SLC71A2: variants seen among roughly 807,000 people sequenced by gnomAD.
SLC71A2 encodes the protein solute carrier family 71 member 2.
the SLC71A2 span, chr9:94,454,048 T>TA: frequency 1.2e-6 from 2 of 1,613,696 alleles, no homozygotes; most frequent in Non-Finnish European, 1.7e-6. Context: ...GTTAGCCTGG[T>TA]ACGGTTTTGG....
chr9:94,432,245 A>G, the SLC71A2 span, among the ~76,000 whole-genome samples: 2 of 152,142 alleles, frequency 1.3e-5, no homozygotes, highest in African/African-American at 4.8e-5. Context: ...TCACGCCTGT[A>G]ATCCCAGCAC....
chr9:94,456,125 AT>A, the SLC71A2 span: 1 of 630,678 alleles, frequency 1.6e-6, no homozygotes. Flanking sequence ...GAAAAAATAA[AT>A]AAAATGTAAC....
chr9:94,401,774 G>C, the SLC71A2 span, among the ~76,000 whole-genome samples: 1 of 151,058 alleles, frequency 6.6e-6, no homozygotes, highest in African/African-American at 2.4e-5. Flanking sequence ...GATAGACCTC[G>C]AACAAGAAAG....
At chr9:94,439,038 T>TTTTTTTTTTG in the SLC71A2 span, among the ~76,000 whole-genome samples, 1 of 134,274 alleles carries the variant, frequency 7.4e-6, no homozygotes. Flanking sequence ...TTTTTTTTTT[T>TTTTTTTTTTG]GGAGACGGAG....
the SLC71A2 span, among the ~76,000 whole-genome samples, chr9:94,377,693 T>A: frequency 6.6e-6 from 1 of 152,004 alleles, no homozygotes; most frequent in Non-Finnish European, 1.5e-5. Context: ...ACAACTTTTT[T>A]CTACCTTATT....
chr9:94,446,781 G>A, the SLC71A2 span: 1 of 987,786 alleles, frequency 1.0e-6, no homozygotes, highest in Non-Finnish European at 1.6e-6. Context: ...CAACATTAAT[G>A]TGTATTGGCA....
At chr9:94,387,295 C>T in the SLC71A2 span, among the ~76,000 whole-genome samples, 1 of 152,148 alleles carries the variant, frequency 6.6e-6, no homozygotes, top group East Asian at 1.9e-4. Context: ...TACTAGAAAT[C>T]ATATTAATAT....
the SLC71A2 span, among the ~76,000 whole-genome samples, chr9:94,438,132 T>G: frequency 6.6e-6 from 1 of 152,108 alleles, no homozygotes; most frequent in South Asian, 2.1e-4. Context: ...GAGACGAGGT[T>G]TCACCATGTT....
the SLC71A2 span, among the ~76,000 whole-genome samples, chr9:94,449,982 T>C: frequency 6.4e-4 from 97 of 152,224 alleles, no homozygotes; most frequent in Non-Finnish European, 8.4e-4. Flanking sequence ...CATTGTATGA[T>C]TTCATTTATG....
At chr9:94,413,837 T>C in the SLC71A2 span, among the ~76,000 whole-genome samples, 1 of 152,200 alleles carries the variant, frequency 6.6e-6, no homozygotes, top group African/African-American at 2.4e-5. Context: ...CTGATTGTAA[T>C]TGGGTCGTCT....
the SLC71A2 span, among the ~76,000 whole-genome samples, chr9:94,430,864 T>TAA: frequency 6.6e-6 from 1 of 152,186 alleles, no homozygotes; most frequent in Non-Finnish European, 1.5e-5. Context: ...TTGTTTTTTC[T>TAA]AAATAGGAAA....
At chr9:94,459,672 A>C in the SLC71A2 span, 1 of 395,064 alleles carries the variant, frequency 2.5e-6, no homozygotes, top group African/African-American at 2.0e-5. Context: ...GCAACTCCCA[A>C]GGTGAAACTC....
At chr9:94,459,458 TGGAG>T in the SLC71A2 span, 4 of 1,604,810 alleles carry the variant, frequency 2.5e-6, no homozygotes, top group Admixed American at 1.7e-5. Context: ...CTGAGAGCCA[TGGAG>T]GGAGCCACAC....
At chr9:94,392,932 C>T in the SLC71A2 span, among the ~76,000 whole-genome samples, 1 of 151,864 alleles carries the variant, frequency 6.6e-6, no homozygotes, top group Non-Finnish European at 1.5e-5. Flanking sequence ...GCTGCTACCA[C>T]CCCCTTCTAA....
chr9:94,417,388 G>A, the SLC71A2 span, among the ~76,000 whole-genome samples: 9 of 152,258 alleles, frequency 5.9e-5, no homozygotes, highest in South Asian at 1.5e-3. Flanking sequence ...AGCACTTCGG[G>A]AGGCTGAGGC....
chr9:94,434,383 T>G, the SLC71A2 span, among the ~76,000 whole-genome samples: 1 of 152,230 alleles, frequency 6.6e-6, no homozygotes, highest in Non-Finnish European at 1.5e-5. Flanking sequence ...TGGTGCGATC[T>G]CAGCTTGCTG....
the SLC71A2 span, chr9:94,446,692 C>A: frequency 4.1e-6 from 2 of 489,404 alleles, no homozygotes; most frequent in East Asian, 3.4e-5. Context: ...GGTGATAGAA[C>A]TTCCTTTTAT....
chr9:94,375,213 G>A, the SLC71A2 span, among the ~76,000 whole-genome samples: 1 of 152,120 alleles, frequency 6.6e-6, no homozygotes, highest in South Asian at 2.1e-4. Flanking sequence ...CCCTGTAACA[G>A]TTGATAACAG....
chr9:94,439,044 C>CG, the SLC71A2 span, among the ~76,000 whole-genome samples: 1 of 37,514 alleles, frequency 2.7e-5, no homozygotes, highest in South Asian at 6.7e-4. Context: ...TTTTTGGAGA[C>CG]GGAGTCTTGC....
Sources: gnomAD v4.1 joint callset for allele counts (sites outside exome capture counted in the v4.1 genomes callset) on GRCh38, gnomAD v4.1.1 for gene constraint, MANE v1.5 for transcripts, NCBI Gene and HGNC (gene_info 2026-07-23, HGNC 2026-07-21) for gene names.